ERCC6L2: variants seen among roughly 807,000 people sequenced by gnomAD.
The protein encoded by ERCC6L2 is DNA excision repair protein ERCC-6-like 2.
In ERCC6L2, 77 loss-of-function variants were observed where a neutral mutation model predicts 132.0. The observed-to-expected ratio is 0.58, with a 90% CI of 0.49 to 0.71. The LOEUF is 0.71. Among genes scored for constraint, ERCC6L2 ranks in the 30% least tolerant of loss-of-function variants. ERCC6L2 has a pLI of 0.00. For missense variants in ERCC6L2, 1,542 were observed against 1,837.6 expected (o/e 0.84, Z 2.94); for synonymous variants, 583 against 632.4 (o/e 0.92, Z 1.17).
intron 1 of ERCC6L2, chr9:95,876,775 C>T (rs1451812329): frequency 6.6e-6 from 1 of 152,180 alleles, no homozygotes; most frequent in East Asian, 1.9e-4. Flanking sequence ...AGATATCGAT[C>T]TCATTAAATA....
intron 16 of ERCC6L2, among the ~76,000 whole-genome samples, chr9:95,975,005 C>A (rs763865728): frequency 3.3e-5 from 5 of 152,054 alleles, no homozygotes; most frequent in African/African-American, 7.2e-5. Context: ...TGCTCATTTG[C>A]TTTATCCCAT....
chr9:95,985,426 A>T (rs908421502), intron 17 of ERCC6L2, among the ~76,000 whole-genome samples: 2 of 152,236 alleles, frequency 1.3e-5, no homozygotes, highest in African/African-American at 4.8e-5. Context: ...AGTTAATGTT[A>T]AAGTGAGTAT....
At position 95,973,057 on chromosome 9, in the gene ERCC6L2, G is replaced by T; in HGVS notation, c.3306G>T (p.Glu1102Asp). The change falls in exon 16 of 19, where the codon GAG becomes GAT. Residue 1102 changes from glutamate (E) to aspartate (D), a missense_variant. Transcript: ENST00000653738. Reference sequence around the variant, plus strand: ...CAAATGAGAAAGTTGTTAATCAAGAGCAGTCGTATGAATCAATGGATAAAT... The same window carrying T: ...CAAATGAGAAAGTTGTTAATCAAGATCAGTCGTATGAATCAATGGATAAAT... ...KCSNEKVVNQ[E>D]QSYESMDKFL... 7.4e-7 allele frequency: 1 copy of T among 1,356,744 alleles called. No individual in the cohort carries two copies. Among genetic ancestry groups the T allele is most frequent in the South Asian group, 1.2e-5 (1 of 85,462 alleles). 84.0% of individuals were successfully genotyped at this position (1,356,744 alleles called of 1,614,324 possible).
intron 11 of ERCC6L2, among the ~76,000 whole-genome samples, chr9:95,939,142 G>A (rs1291954059): frequency 1.3e-5 from 2 of 152,110 alleles, no homozygotes; most frequent in Admixed American, 1.3e-4. Context: ...CAGCATATCA[G>A]ATTGTATTGC....
chr9:95,882,135 TCA>T (rs1170411037), intron 2 of ERCC6L2, among the ~76,000 whole-genome samples: 1 of 152,192 alleles, frequency 6.6e-6, no homozygotes, highest in African/African-American at 2.4e-5. Context: ...ATGGGGCATC[TCA>T]CACAAGGTAG....
At chr9:95,908,304 A>G (rs1388871336) in intron 4 of ERCC6L2, among the ~76,000 whole-genome samples, 4 of 152,126 alleles carry the variant, frequency 2.6e-5, no homozygotes, top group Non-Finnish European at 5.9e-5. Flanking sequence ...GCCTGGGTCC[A>G]GTATGACTGG....
Position 96,017,111 on chromosome 9 carries a change from C to A in ERCC6L2, c.*3908C>A, listed in dbSNP as rs1230169863. On this transcript the variant is annotated 3_prime_UTR_variant, in exon 19 of 19. Coordinates refer to ENST00000653738, the MANE Select transcript of ERCC6L2 (RefSeq NM_020207.7). The stretch of plus-strand genomic sequence containing the variant: ...CTCATTCCATCATCACGGATACAGA[C>A]TTGTTTCTGGTTTCATCTTCCACCA... Among the ~76,000 whole-genome samples the A allele has an allele frequency of 1.3e-5, 2 of 152,184 alleles. No homozygotes were observed. Among genetic ancestry groups the A allele is most frequent in the African/African-American group, 4.8e-5 (2 of 41,436 alleles).
In ERCC6L2 at chr9:95,966,698, C is replaced by T. The variant is rs761196717; in HGVS notation, c.2084C>T (p.Thr695Met). 17 of 1,475,158 alleles carry T rather than the reference C, an allele frequency of 1.2e-5. No homozygotes were observed. Among genetic ancestry groups the T allele is most frequent in the South Asian group, 3.0e-5 (2 of 66,720 alleles). 91.4% of individuals were successfully genotyped at this position (1,475,158 alleles called of 1,614,324 possible). ...FKFRSQGSCL[T>M]KDILEREGQV... ...TTTAGGTCCCAAGGGTCTTGTCTTA[C>T]GAAGGACATCCTGGAGGTGTGAACT... Residue 695 changes from threonine to methionine, a missense_variant, in exon 14 of 19, where the codon ACG (threonine) becomes ATG (methionine). Around this residue, in one of 4 missense-constraint regions of ERCC6L2, gnomAD observed 945 missense variants for 1,105.2 expected, o/e 0.86. Transcript: ENST00000653738.
chr9:96,017,452 G>C lies in ERCC6L2; in HGVS notation c.*4249G>C, dbSNP rs923343264. On this transcript the variant is annotated 3_prime_UTR_variant, in exon 19 of 19. Transcript: ENST00000653738. ...CAGGCTGTGTGGTTCCCAGCCCCAA[G>C]GGTAGCAAGTCAGAACCTCCGGAGA... Among the ~76,000 whole-genome samples the C allele has an allele frequency of 3.3e-5, 5 of 152,152 alleles. No individual in the cohort carries two copies. The highest frequency in any genetic ancestry group is 1.2e-4 in the African/African-American group (5 of 41,444).
intron 13 of ERCC6L2, 25 bp from the exon 14 acceptor site, chr9:95,966,537 A>C (rs1195011616): frequency 6.9e-7 from 1 of 1,440,114 alleles, no homozygotes. Context: ...CACTTCAAAA[A>C]TGTCTTGTGT....
intron 13 of ERCC6L2, 71 bp from the exon 14 acceptor site, chr9:95,966,491 G>A (rs1832162647): frequency 7.5e-7 from 1 of 1,332,580 alleles, no homozygotes; most frequent in South Asian, 2.2e-5. Context: ...TATATACAGG[G>A]AATGCCAGGA....
chr9:95,904,933 G>A (rs1417721794), intron 3 of ERCC6L2: 1 of 151,980 alleles, frequency 6.6e-6, no homozygotes, highest in Non-Finnish European at 1.5e-5. Context: ...AATTTTATTT[G>A]TGTTAATTTT....
chr9:96,030,773 C>A (rs76724022), intron 19 of ERCC6L2, among the ~76,000 whole-genome samples: 1 of 151,856 alleles, frequency 6.6e-6, no homozygotes. Flanking sequence ...ACGAACCCAC[C>A]GGAAGGAACA....
chr9:95,943,298 T>C (rs564902641), intron 12 of ERCC6L2, among the ~76,000 whole-genome samples: 3 of 152,260 alleles, frequency 2.0e-5, no homozygotes, highest in Non-Finnish European at 2.9e-5. Context: ...TAGAATTGTT[T>C]TTTTTTCCTC....
chr9:95,913,978 G>T (rs1363866205), intron 4 of ERCC6L2, among the ~76,000 whole-genome samples: 2 of 152,164 alleles, frequency 1.3e-5, no homozygotes, highest in Non-Finnish European at 2.9e-5. Context: ...ACAAGTCTTT[G>T]CACCTAAGTT....
chr9:95,998,311 C>G (rs1833540351), intron 17 of ERCC6L2, among the ~76,000 whole-genome samples: 1 of 152,134 alleles, frequency 6.6e-6, no homozygotes, highest in African/African-American at 2.4e-5. Context: ...ACAATTAATG[C>G]CCCCCTCAAA....
At chr9:95,938,669 A>G (rs1237033703) in intron 11 of ERCC6L2, among the ~76,000 whole-genome samples, 1 of 152,038 alleles carries the variant, frequency 6.6e-6, no homozygotes, top group Non-Finnish European at 1.5e-5. Flanking sequence ...ATTGCCTGGT[A>G]TATCTTTTAT....
intron 12 of ERCC6L2, among the ~76,000 whole-genome samples, chr9:95,953,038 CAG>C: frequency 6.6e-6 from 1 of 152,100 alleles, no homozygotes; most frequent in Middle Eastern, 3.4e-3. Flanking sequence ...TTCACAAAGA[CAG>C]AAAAGAGAAT....
intron 1 of ERCC6L2, among the ~76,000 whole-genome samples, chr9:95,878,732 C>T (rs1200245414): frequency 6.0e-5 from 9 of 150,878 alleles, no homozygotes. Flanking sequence ...GTTCAATTCC[C>T]ACCTATGAGT....
Sources: allele counts gnomAD v4.1 joint callset (sites outside exome capture counted in the v4.1 genomes callset), GRCh38; gene constraint gnomAD v4.1.1; regional missense constraint gnomAD v4.1.1; transcripts MANE v1.5; gene names NCBI Gene and HGNC (gene_info 2026-07-23, HGNC 2026-07-21).